The following CNGA1 variants were observed in gnomAD, a reference collection of about 807,000 sequenced individuals.
The protein encoded by CNGA1 is cyclic nucleotide gated channel subunit alpha 1.
A neutral mutation model predicts 69.7 loss-of-function variants in CNGA1; 53 were observed. That is an observed-to-expected ratio of 0.76 (90% CI 0.61 to 0.96). CNGA1 has a LOEUF of 0.96. CNGA1 is among the 40% of genes least tolerant of loss of function. The pLI is 0.00. For synonymous variants in CNGA1, 249 were observed against 283.5 expected (o/e 0.88, Z 1.22); for missense variants, 739 against 811.2 (o/e 0.91, Z 1.08).
At chr4:48,002,666 C>T (rs1324083310) in intron 2 of CNGA1, among the ~76,000 whole-genome samples, 1 of 132,336 alleles carries the variant, frequency 7.6e-6, no homozygotes, top group Non-Finnish European at 1.6e-5. Context: ...CAGGTGGAGC[C>T]GTGGGTGTCA....
At chr4:48,010,447 C>A (rs1162933972) in intron 2 of CNGA1, among the ~76,000 whole-genome samples, 6 of 152,178 alleles carry the variant, frequency 3.9e-5, no homozygotes, top group Non-Finnish European at 7.3e-5. Flanking sequence ...CCCAGAGAAG[C>A]CTCGGTTGTG....
At chr4:47,950,538 C>A (rs1334193229) in intron 5 of CNGA1, among the ~76,000 whole-genome samples, 1 of 152,072 alleles carries the variant, frequency 6.6e-6, no homozygotes, top group Non-Finnish European at 1.5e-5. Flanking sequence ...TTAAGTGAAC[C>A]AACCTCAATG....
chr4:47,959,142 A>T (rs1398466422), intron 3 of CNGA1: 1 of 152,236 alleles, frequency 6.6e-6, no homozygotes, highest in African/African-American at 2.4e-5. Flanking sequence ...AAAGACAGGT[A>T]TAAGTCACTG....
chr4:47,955,808 C>T (rs915445886), intron 3 of CNGA1, among the ~76,000 whole-genome samples: 1 of 152,212 alleles, frequency 6.6e-6, no homozygotes, highest in South Asian at 2.1e-4. Flanking sequence ...AGGCTACAAC[C>T]TCCTCTGGAA....
chr4:48,003,156 T>C (rs1487517982), intron 2 of CNGA1, among the ~76,000 whole-genome samples: 1 of 152,056 alleles, frequency 6.6e-6, no homozygotes, highest in East Asian at 1.9e-4. Context: ...TCAACATATG[T>C]AAGGTGAACA....
At chr4:48,011,507 A>C (rs955377603) in intron 1 of CNGA1, among the ~76,000 whole-genome samples, 17 of 152,118 alleles carry the variant, frequency 1.1e-4, no homozygotes, top group South Asian at 2.1e-4. Context: ...TTAAAATCTC[A>C]TTACTATTGT....
chr4:47,946,855 G>A (rs1462143778), intron 6 of CNGA1, among the ~76,000 whole-genome samples: 1 of 151,994 alleles, frequency 6.6e-6, no homozygotes, highest in Non-Finnish European at 1.5e-5. Flanking sequence ...CACAATCTCG[G>A]CTCACTGCAA....
At position 47,937,471 on chromosome 4, in the gene CNGA1, T is replaced by G. The variant is rs772091709; in HGVS notation, c.1011A>C (p.Glu337Asp). The G allele has an allele frequency of 3.7e-6, 6 of 1,614,042 alleles. No individual in the cohort carries two copies. The highest frequency in any genetic ancestry group is 1.6e-4 in the Middle Eastern group (1 of 6,084). ...CGTATTTTCTAGCCAAACGGCCAAA[T>G]TCAGGATCATTAATATCAGGGTAGA... ...TWVYPDINDPEFGRLARKYVY... is the reference protein window; with the variant it reads ...TWVYPDINDPDFGRLARKYVY... Residue 337 changes from glutamate to aspartate, a missense_variant, in exon 11 of 11, where the codon GAA (glutamate) becomes GAC (aspartate). Glu to Asp is a conservative substitution (Grantham distance 45). Coordinates refer to ENST00000514170, the MANE Select transcript of CNGA1 (RefSeq NM_001379270.1).
At chr4:47,958,350 C>T (rs903239063) in intron 3 of CNGA1, among the ~76,000 whole-genome samples, 3 of 149,110 alleles carry the variant, frequency 2.0e-5, no homozygotes, top group Admixed American at 6.7e-5. Flanking sequence ...TGAGGCCAGG[C>T]GTGGTGGCTC....
In CNGA1 at chr4:47,966,533, G is replaced by A. The variant is rs540065109; in HGVS notation, c.-14-13830C>T. The stretch of plus-strand genomic sequence containing the variant: ...ACATAAATCTACAGTTTTACCAAGC[G>A]CTATAAGTAATTCTGTTGCAAAGGA... On this transcript the variant is annotated intron_variant, in intron 3 of 10. Coordinates refer to ENST00000514170, the MANE Select transcript of CNGA1 (RefSeq NM_001379270.1). Among the ~76,000 whole-genome samples, 9 of 152,232 alleles carry A rather than the reference G, an allele frequency of 5.9e-5. 2 individuals carry two copies. The South Asian group carries it at 8.3e-4, about 14-fold the overall frequency.
chr4:47,960,046 A>T (rs1440223), intron 3 of CNGA1, among the ~76,000 whole-genome samples: 97,213 of 151,954 alleles, frequency 0.64, 31,416 homozygotes, highest in Non-Finnish European at 0.68. Flanking sequence ...ATATACATAA[A>T]ATTTATGAAA....
At chr4:47,961,857 A>G (rs994044105) in intron 3 of CNGA1, among the ~76,000 whole-genome samples, 1 of 152,236 alleles carries the variant, frequency 6.6e-6, no homozygotes, top group Non-Finnish European at 1.5e-5. Flanking sequence ...ATTTGAAGTG[A>G]TAATAAAGTT....
At chr4:48,011,694 T>C (rs964018199) in intron 1 of CNGA1, among the ~76,000 whole-genome samples, 1 of 152,154 alleles carries the variant, frequency 6.6e-6, no homozygotes, top group African/African-American at 2.4e-5. Flanking sequence ...TAAATACATT[T>C]AAGAAATATA....
chr4:47,981,685 T>C (rs1741721673), intron 2 of CNGA1, 185 bp from the exon 3 acceptor site: 1 of 152,184 alleles, frequency 6.6e-6, no homozygotes, highest in Non-Finnish European at 1.5e-5. Flanking sequence ...AACATCATTA[T>C]CCTTTGCTTG....
At chr4:47,960,438 T>C (rs1740365104) in intron 3 of CNGA1, among the ~76,000 whole-genome samples, 1 of 152,196 alleles carries the variant, frequency 6.6e-6, no homozygotes, top group Admixed American at 6.5e-5. Flanking sequence ...ATAAAGCTTC[T>C]AGATGAAAAC....
chr4:47,998,980 ATAT>A (rs1714532947), intron 2 of CNGA1, among the ~76,000 whole-genome samples: 1 of 152,218 alleles, frequency 6.6e-6, no homozygotes, highest in Non-Finnish European at 1.5e-5. Flanking sequence ...TAAGTTTGAC[ATAT>A]TATCAGAAGG....
At chr4:48,013,709 C>T (rs917563164) in intron 1 of CNGA1, among the ~76,000 whole-genome samples, 17 of 152,258 alleles carry the variant, frequency 1.1e-4, no homozygotes, top group African/African-American at 3.4e-4. Flanking sequence ...GGGGGCTCCA[C>T]TATTGATTTT....
intron 2 of CNGA1, among the ~76,000 whole-genome samples, chr4:48,008,246 T>C (rs1478657747): frequency 6.6e-6 from 1 of 152,196 alleles, no homozygotes; most frequent in African/African-American, 2.4e-5. Context: ...GCTTGGACTT[T>C]CTGGTTTGTC....
At chr4:47,939,180 C>T (rs1192561291) in intron 10 of CNGA1, among the ~76,000 whole-genome samples, 2 of 152,086 alleles carry the variant, frequency 1.3e-5, no homozygotes, top group African/African-American at 4.8e-5. Context: ...GAACTTTTAC[C>T]CCAACCTCCT....
Sources: allele counts gnomAD v4.1 joint callset (sites outside exome capture counted in the v4.1 genomes callset), GRCh38; gene constraint gnomAD v4.1.1; transcripts MANE v1.5; gene names NCBI Gene and HGNC (gene_info 2026-07-23, HGNC 2026-07-21).